CALCR: variants seen among roughly 807,000 people sequenced by gnomAD.
CALCR encodes calcitonin receptor.
Under a neutral mutation model 59.5 loss-of-function variants are expected in CALCR, and 47 were observed. That is an observed-to-expected ratio of 0.79 (90% CI 0.63 to 1.01). The LOEUF is 1.01. Among genes scored for constraint, CALCR ranks in the 50% least tolerant of loss-of-function variants. The pLI is 0.00. For synonymous variants in CALCR, 213 were observed against 211.3 expected (o/e 1.01, Z -0.07); for missense variants, 566 against 597.1 (o/e 0.95, Z 0.54).
At chr7:93,551,314 C>A (rs1306661291) in intron 2 of CALCR, among the ~76,000 whole-genome samples, 4 of 152,156 alleles carry the variant, frequency 2.6e-5, no homozygotes, top group Admixed American at 2.0e-4. Context: ...TGTATTTCAT[C>A]AGGGAGGGTT....
chr7:93,433,352 T>C (rs1446704874), intron 13 of CALCR, among the ~76,000 whole-genome samples: 2 of 152,348 alleles, frequency 1.3e-5, no homozygotes, highest in African/African-American at 4.8e-5. Context: ...TGTTCAAAAA[T>C]GCTTTGGCAT....
intron 7 of CALCR, among the ~76,000 whole-genome samples, chr7:93,465,820 T>C (rs1218774430): frequency 6.6e-6 from 1 of 151,932 alleles, no homozygotes; most frequent in East Asian, 1.9e-4. Context: ...ACATTAAGAT[T>C]AAAGGCATGC....
intron 13 of CALCR, among the ~76,000 whole-genome samples, chr7:93,432,305 C>T (rs996763572): frequency 1.3e-5 from 2 of 152,166 alleles, no homozygotes; most frequent in Non-Finnish European, 2.9e-5. Flanking sequence ...TTCAGCCAGG[C>T]ACCATCCCAT....
chr7:93,570,171 A>G (rs1292097913), intron 2 of CALCR, among the ~76,000 whole-genome samples: 2 of 152,180 alleles, frequency 1.3e-5, no homozygotes, highest in Non-Finnish European at 2.9e-5. Flanking sequence ...CATCTTAAAT[A>G]CCAGGCTGAA....
intron 8 of CALCR, among the ~76,000 whole-genome samples, chr7:93,456,376 GGGCCCTTTTA>G (rs1333156019): frequency 6.6e-6 from 1 of 151,972 alleles, no homozygotes; most frequent in African/African-American, 2.4e-5. Context: ...AGAGGGAAAT[GGGCCCTTTTA>G]GGCATATAGA....
chr7:93,506,542 G>A (rs188219888), intron 2 of CALCR, among the ~76,000 whole-genome samples: 239 of 152,100 alleles, frequency 1.6e-3, no homozygotes, highest in Non-Finnish European at 2.9e-3. Context: ...TTACTAAATG[G>A]CCCTGTAGAA....
rs1188386387 is a variant in CALCR, at chr7:93,534,190, T to C, written c.-27+40099A>G. Among the ~76,000 whole-genome samples, 5 of 151,994 alleles carry C rather than the reference T, an allele frequency of 3.3e-5. No homozygotes were observed. In the East Asian group the frequency reaches 9.6e-4, roughly 29 times the overall value. On this transcript the variant is annotated intron_variant, in intron 2 of 13. Coordinates refer to ENST00000426151, the MANE Select transcript of CALCR (RefSeq NM_001742.4). ...TATCAAGTGTTTGACAACGATTACA[T>C]AACAGTCTAATATTTACAATAGCCC...
chr7:93,429,043 G>A, intron 13 of CALCR, among the ~76,000 whole-genome samples: 1 of 152,162 alleles, frequency 6.6e-6, no homozygotes, highest in East Asian at 1.9e-4. Flanking sequence ...GGGCCAAACG[G>A]TTTGATTTCT....
At chr7:93,449,338 TAAGAGAGACTG>T (rs1205469070) in intron 8 of CALCR, among the ~76,000 whole-genome samples, 1 of 152,072 alleles carries the variant, frequency 6.6e-6, no homozygotes, top group East Asian at 1.9e-4. Context: ...AAAGACATTT[TAAGAGAGACTG>T]AATGATAAAG....
At chr7:93,484,722 T>C (rs549914012) in intron 3 of CALCR, among the ~76,000 whole-genome samples, 5 of 151,694 alleles carry the variant, frequency 3.3e-5, no homozygotes, top group Non-Finnish European at 7.4e-5. Flanking sequence ...TAGGTGAACA[T>C]AGATAAGTAA....
At chr7:93,460,110 G>A (rs542286091) in intron 8 of CALCR, among the ~76,000 whole-genome samples, 1 of 152,254 alleles carries the variant, frequency 6.6e-6, no homozygotes, top group African/African-American at 2.4e-5. Flanking sequence ...AGAATGAAGA[G>A]GGGATCAATA....
chr7:93,516,758 C>A (rs188364993), intron 2 of CALCR, among the ~76,000 whole-genome samples: 1 of 151,590 alleles, frequency 6.6e-6, no homozygotes, highest in African/African-American at 2.4e-5. Context: ...CCAAAATGAT[C>A]GATATATTTC....
intron 7 of CALCR, among the ~76,000 whole-genome samples, chr7:93,463,405 T>C (rs978291314): frequency 6.6e-6 from 1 of 151,982 alleles, no homozygotes; most frequent in Non-Finnish European, 1.5e-5. Flanking sequence ...TATATGAGTT[T>C]CTGTTTTTTG....
intron 2 of CALCR, among the ~76,000 whole-genome samples, chr7:93,546,894 A>G (rs534644165): frequency 3.0e-4 from 45 of 152,200 alleles, no homozygotes; most frequent in Non-Finnish European, 4.3e-4. Context: ...ATTAGATTGG[A>G]GGAGAAACTG....
intron 2 of CALCR, among the ~76,000 whole-genome samples, chr7:93,540,528 G>T (rs1284011011): frequency 1.3e-5 from 2 of 151,918 alleles, no homozygotes; most frequent in Admixed American, 6.6e-5. Flanking sequence ...AGCAAAATTG[G>T]AGACAAAATT....
At position 93,446,502 on chromosome 7, in the gene CALCR, G is replaced by T. The variant is rs117638776; in HGVS notation, c.649-2745C>A. 8.5e-3 allele frequency among the ~76,000 whole-genome samples: 1,287 copies of T among 152,012 alleles called. 6 individuals carry two copies. Among genetic ancestry groups the T allele is most frequent in the Non-Finnish European group, 0.014 (961 of 67,906 alleles). The stretch of plus-strand genomic sequence containing the variant: ...GAATCCTGTGCCCAAGATATTCAAG[G>T]TAATTCAGTTGCATTCAACAAACAT... On this transcript the variant is annotated intron_variant, in intron 8 of 13. Coordinates refer to ENST00000426151, the MANE Select transcript of CALCR (RefSeq NM_001742.4).
chr7:93,442,020 C>A (rs573940686), intron 9 of CALCR, among the ~76,000 whole-genome samples: 3 of 152,230 alleles, frequency 2.0e-5, no homozygotes, highest in African/African-American at 7.2e-5. Flanking sequence ...ACTCAGGAAA[C>A]TTTGGGGCAG....
At chr7:93,568,515 C>CTCTCTCTG (rs1789920825) in intron 2 of CALCR, among the ~76,000 whole-genome samples, 1 of 41,102 alleles carries the variant, frequency 2.4e-5, no homozygotes, top group Non-Finnish European at 6.5e-5. Context: ...TACTTTCTCT[C>CTCTCTCTG]TCTCTCTCTC....
rs1261811463 is a variant in CALCR, at chr7:93,454,939, T to TGG, written c.648+5881_648+5882insCC. Among the ~76,000 whole-genome samples, 324 of 151,838 alleles carry TGG rather than the reference T, an allele frequency of 2.1e-3. 3 individuals carry two copies. The highest frequency in any genetic ancestry group is 7.8e-3 in the African/African-American group (321 of 41,392). ...TTTTGTGTGTGTGTGTGTGTGTGTG[T>TGG]GTGTGTGTGTGTGTGTGTTTTCCTT... On this transcript the variant is annotated intron_variant, in intron 8 of 13. Transcript: ENST00000426151.
Sources: gnomAD v4.1 joint callset for allele counts (sites outside exome capture counted in the v4.1 genomes callset) on GRCh38, gnomAD v4.1.1 for gene constraint, MANE v1.5 for transcripts, NCBI Gene and HGNC (gene_info 2026-07-23, HGNC 2026-07-21) for gene names.